Variants in ARHGAP24 observed in about 807,000 individuals in gnomAD.
The protein encoded by ARHGAP24 is rho GTPase-activating protein 24.
A neutral mutation model predicts 76.4 loss-of-function variants in ARHGAP24; 50 were observed. That is an observed-to-expected ratio of 0.65 (90% CI 0.52 to 0.83). The LOEUF is 0.83. Ranked by LOEUF, ARHGAP24 falls within the 40% of genes least tolerant of loss-of-function variation. ARHGAP24 has a pLI of 0.00. For missense variants in ARHGAP24, 930 were observed against 914.2 expected, an observed-to-expected ratio of 1.02 and a Z score of -0.22; for synonymous variants, 345 against 323.3, an observed-to-expected ratio of 1.07 and a Z score of -0.72.
intron 2 of ARHGAP24, among the ~76,000 whole-genome samples, chr4:85,636,552 T>G (rs1721313550): frequency 6.6e-6 from 1 of 151,540 alleles, no homozygotes; most frequent in Admixed American, 6.7e-5. Flanking sequence ...TTGTTGGGAA[T>G]ATTACACACA....
chr4:85,820,176 C>T (rs755322832), intron 3 of ARHGAP24, among the ~76,000 whole-genome samples: 4 of 152,166 alleles, frequency 2.6e-5, no homozygotes, highest in Admixed American at 6.5e-5. Flanking sequence ...TATAAAGACA[C>T]ATGCATGCAT....
chr4:85,776,469 CAA>C (rs1727312936), intron 3 of ARHGAP24, among the ~76,000 whole-genome samples: 1 of 152,128 alleles, frequency 6.6e-6, no homozygotes, highest in South Asian at 2.1e-4. Flanking sequence ...AAAATGGTTG[CAA>C]AAATGTTGTG....
At chr4:85,555,276 C>T (rs971425) in intron 1 of ARHGAP24, among the ~76,000 whole-genome samples, 125,411 of 152,130 alleles carry the variant, frequency 0.82, 54,096 homozygotes, top group East Asian at 0.98. Flanking sequence ...TGCCACACCC[C>T]ACCATGTGCT....
chr4:85,954,848 A>C (rs1737819797), intron 5 of ARHGAP24, among the ~76,000 whole-genome samples: 1 of 152,180 alleles, frequency 6.6e-6, no homozygotes, highest in Admixed American at 6.5e-5. Context: ...TCTCTACTAA[A>C]AAATACAAAA....
At chr4:85,765,196 G>A (rs2110075505) in intron 3 of ARHGAP24, among the ~76,000 whole-genome samples, 1 of 152,248 alleles carries the variant, frequency 6.6e-6, no homozygotes, top group East Asian at 1.9e-4. Flanking sequence ...TTTGTGAAAG[G>A]TAGCTATTGC....
chr4:85,525,727 G>T (rs967716565), intron 1 of ARHGAP24, among the ~76,000 whole-genome samples: 22 of 152,118 alleles, frequency 1.4e-4, no homozygotes, highest in African/African-American at 5.3e-4. Flanking sequence ...TGGCATGGCT[G>T]TCTCATTACA....
intron 3 of ARHGAP24, among the ~76,000 whole-genome samples, chr4:85,777,732 G>A (rs890580725): frequency 6.6e-6 from 1 of 151,866 alleles, no homozygotes; most frequent in African/African-American, 2.4e-5. Flanking sequence ...TCACGTGGGA[G>A]GGATGAGATA....
chr4:85,801,717 C>T (rs1307788138), intron 3 of ARHGAP24, among the ~76,000 whole-genome samples: 1 of 152,250 alleles, frequency 6.6e-6, no homozygotes, highest in African/African-American at 2.4e-5. Flanking sequence ...CTTATTCCAA[C>T]AAAACACGGC....
chr4:85,518,066 T>G (rs995950914), intron 1 of ARHGAP24, among the ~76,000 whole-genome samples: 4 of 152,178 alleles, frequency 2.6e-5, no homozygotes, highest in Middle Eastern at 3.4e-3. Context: ...GCCATTGAAG[T>G]TAGGACAAAC....
chr4:85,992,407 A>G (rs1456236256), intron 8 of ARHGAP24, among the ~76,000 whole-genome samples: 1 of 152,140 alleles, frequency 6.6e-6, no homozygotes, highest in Non-Finnish European at 1.5e-5. Flanking sequence ...TGACAAGTAC[A>G]CTTTGACATG....
chr4:85,704,253 A>T (rs1434953117), intron 2 of ARHGAP24, among the ~76,000 whole-genome samples: 2 of 152,192 alleles, frequency 1.3e-5, no homozygotes, highest in Non-Finnish European at 2.9e-5. Flanking sequence ...ATTTGCATAC[A>T]GGTTTTTAAT....
At chr4:85,619,234 C>T (rs1019373260) in intron 2 of ARHGAP24, among the ~76,000 whole-genome samples, 2 of 152,006 alleles carry the variant, frequency 1.3e-5, no homozygotes, top group Non-Finnish European at 2.9e-5. Context: ...CCTTTTCCCA[C>T]TGTGTGTGCT....
At position 85,863,162 on chromosome 4, in the gene ARHGAP24, CACA is replaced by C. The variant is rs1208850236; in HGVS notation, c.269-60481_269-60479del. Among the ~76,000 whole-genome samples the C allele has an allele frequency of 2.6e-5, 4 of 152,166 alleles. No homozygotes were observed. The South Asian group carries it at 6.2e-4, about 24-fold the overall frequency. On this transcript the variant is annotated intron_variant, in intron 3 of 9. Transcript: ENST00000395184. ...CCTTCTGGTGATTCCTACACTACAA[CACA>C]ACAAGGATTTTTTTTAACTTAGGCA...
At chr4:85,555,631 G>A (rs1315234377) in intron 1 of ARHGAP24, among the ~76,000 whole-genome samples, 1 of 152,232 alleles carries the variant, frequency 6.6e-6, no homozygotes, top group Non-Finnish European at 1.5e-5. Context: ...GCTGCACACT[G>A]CAGCCCTGGG....
intron 2 of ARHGAP24, among the ~76,000 whole-genome samples, chr4:85,575,015 C>T (rs1415234975): frequency 2.0e-5 from 3 of 152,204 alleles, no homozygotes; most frequent in African/African-American, 7.2e-5. Flanking sequence ...GATTTGTAAA[C>T]AATGACTTTC....
At chr4:85,666,712 C>G (rs7689994) in intron 2 of ARHGAP24, among the ~76,000 whole-genome samples, 3 of 152,148 alleles carry the variant, frequency 2.0e-5, no homozygotes, top group Non-Finnish European at 4.4e-5. Flanking sequence ...TTCCTTTTAA[C>G]AGACAGGACC....
At chr4:85,921,034 C>T (rs9997347) in intron 3 of ARHGAP24, among the ~76,000 whole-genome samples, 1,672 of 152,128 alleles carry the variant, frequency 0.011, 24 homozygotes, top group African/African-American at 0.038. Flanking sequence ...TGGGTATATA[C>T]CCAAAGGAAT....
intron 8 of ARHGAP24, chr4:85,991,901 T>C (rs1479050212): frequency 2.7e-6 from 1 of 370,552 alleles, no homozygotes. Context: ...GTCATCTACA[T>C]ATATTTTTGC....
At chr4:85,666,419 C>T (rs1009304180) in intron 2 of ARHGAP24, among the ~76,000 whole-genome samples, 1 of 152,122 alleles carries the variant, frequency 6.6e-6, no homozygotes, top group Non-Finnish European at 1.5e-5. Context: ...AAATTTTTAA[C>T]TTCTTTGCCT....
Sources: allele counts gnomAD v4.1 joint callset (sites outside exome capture counted in the v4.1 genomes callset), GRCh38; gene constraint gnomAD v4.1.1; transcripts MANE v1.5; gene names NCBI Gene and HGNC (gene_info 2026-07-23, HGNC 2026-07-21).